Variants in SLCO1B1 observed in about 807,000 individuals in gnomAD.
SLCO1B1 encodes the protein solute carrier organic anion transporter family member 1B1, also known as OATP-2.
A neutral mutation model predicts 70.1 loss-of-function variants in SLCO1B1; 81 were observed. That is an observed-to-expected ratio of 1.16 (90% CI 0.97 to 1.39). The LOEUF is 1.39. SLCO1B1 is among the 40% of genes most tolerant of loss of function. The pLI, the probability that SLCO1B1 is intolerant of heterozygous loss-of-function variation, is 0.00. For missense variants in SLCO1B1, 895 were observed against 799.6 expected, an observed-to-expected ratio of 1.12 and a Z score of -1.44; for synonymous variants, 283 against 271.5, an observed-to-expected ratio of 1.04 and a Z score of -0.42.
At chr12:21,219,968 C>T (rs1216824238) in intron 12 of SLCO1B1, among the ~76,000 whole-genome samples, 1 of 152,112 alleles carries the variant, frequency 6.6e-6, no homozygotes, top group East Asian at 1.9e-4. Context: ...ACCACGTTGG[C>T]CAGGCTGGTC....
intron 2 of SLCO1B1, among the ~76,000 whole-genome samples, chr12:21,152,402 T>A (rs900747902): frequency 6.6e-6 from 1 of 151,706 alleles, no homozygotes; most frequent in Non-Finnish European, 1.5e-5. Flanking sequence ...CTCTTCAAAA[T>A]TATATATATT....
At position 21,183,429 on chromosome 12, in the gene SLCO1B1, C is replaced by A. The variant is rs140979658; in HGVS notation, c.727+4409C>A. ...CAGGCTGATCTCAAACTTCTGGCCT[C>A]AAGTGATCCTCCCACCTTAGCCTGG... On this transcript the variant is annotated intron_variant, in intron 7 of 14. Coordinates refer to ENST00000256958, the MANE Select transcript of SLCO1B1 (RefSeq NM_006446.5). 2.7e-3 allele frequency among the ~76,000 whole-genome samples: 404 copies of A among 152,300 alleles called. 1 individual carries two copies. Among genetic ancestry groups the A allele is most frequent in the African/African-American group, 8.9e-3 (371 of 41,562 alleles).
At chr12:21,151,009 A>G (rs1170235308) in intron 2 of SLCO1B1, among the ~76,000 whole-genome samples, 1 of 152,184 alleles carries the variant, frequency 6.6e-6, no homozygotes. Context: ...ATTGTTAGAT[A>G]ATTTTGTCAT....
At position 21,185,747 on chromosome 12, in the gene SLCO1B1, T is replaced by C. The variant is rs369283032; in HGVS notation, c.727+6727T>C. 2.7e-3 allele frequency among the ~76,000 whole-genome samples: 404 copies of C among 151,920 alleles called. 1 individual carries two copies. Among genetic ancestry groups the C allele is most frequent in the African/African-American group, 9.0e-3 (372 of 41,458 alleles). On this transcript the variant is annotated intron_variant, in intron 7 of 14. Transcript: ENST00000256958. ...AATAACGAAAATCAGAATGAAATTG[T>C]GATGCAAAATGTATACAAAAGATAA...
intron 11 of SLCO1B1, among the ~76,000 whole-genome samples, chr12:21,207,424 G>T (rs1236784631): frequency 6.6e-6 from 1 of 151,942 alleles, no homozygotes; most frequent in Non-Finnish European, 1.5e-5. Context: ...ATTCACTTAA[G>T]ATAATGACCT....
intron 8 of SLCO1B1, 142 bp from the exon 9 acceptor site, chr12:21,200,366 G>A (rs1565680275): frequency 2.1e-6 from 1 of 484,078 alleles, no homozygotes; most frequent in Non-Finnish European, 3.7e-6. Context: ...TGAACAGCCT[G>A]TGGTATTGCA....
chr12:21,228,563 T>C (rs1056756392), intron 14 of SLCO1B1, among the ~76,000 whole-genome samples: 2 of 152,128 alleles, frequency 1.3e-5, no homozygotes, highest in African/African-American at 4.8e-5. Context: ...AAGAAAATTA[T>C]TTGGTTGGGC....
intron 7 of SLCO1B1, among the ~76,000 whole-genome samples, chr12:21,184,251 A>G (rs1219086409): frequency 3.3e-5 from 5 of 152,120 alleles, no homozygotes; most frequent in Non-Finnish European, 7.4e-5. Context: ...ATTACAGAGA[A>G]CCCCTTTGAG....
chr12:21,178,091 A>G (rs1030763092), intron 5 of SLCO1B1, among the ~76,000 whole-genome samples: 1 of 151,954 alleles, frequency 6.6e-6, no homozygotes, highest in African/African-American at 2.4e-5. Flanking sequence ...CTGTGTCCCC[A>G]CTCAAATATC....
At chr12:21,161,059 G>C (rs143472838) in intron 2 of SLCO1B1, among the ~76,000 whole-genome samples, 2,257 of 152,258 alleles carry the variant, frequency 0.015, 52 homozygotes, top group African/African-American at 0.051. Context: ...TACACTGTTG[G>C]TGGGAGTGTA....
intron 7 of SLCO1B1, among the ~76,000 whole-genome samples, chr12:21,192,560 ATG>A (rs914541214): frequency 4.6e-5 from 7 of 150,874 alleles, no homozygotes; most frequent in African/African-American, 1.5e-4. Flanking sequence ...ATTTTTTCTA[ATG>A]TTTTTTTTTC....
chr12:21,221,031 C>G (rs1941417887), intron 12 of SLCO1B1, among the ~76,000 whole-genome samples: 1 of 151,914 alleles, frequency 6.6e-6, no homozygotes, highest in African/African-American at 2.4e-5. Flanking sequence ...AAAACCAAAA[C>G]CATTTGATAA....
intron 14 of SLCO1B1, among the ~76,000 whole-genome samples, chr12:21,236,282 C>T (rs917104233): frequency 1.3e-5 from 2 of 152,092 alleles, no homozygotes; most frequent in Admixed American, 6.6e-5. Flanking sequence ...GTTAGATCTC[C>T]AGAGGTCCTG....
At position 21,217,246 on chromosome 12, in the gene SLCO1B1, TC is replaced by T. The variant is rs1565442029; in HGVS notation, c.1626del (p.Leu543Ter). On this transcript the variant is annotated frameshift_variant, in exon 12 of 15. Transcript: ENST00000256958. LOFTEE classifies it high-confidence loss of function. Reference protein sequence around the residue: ...RKFYFFVAIQVLNLFFSALGG... With the variant: ...RKFYFFVAIQXLNLFFSALGG... Reference sequence around the variant, plus strand: ...TTTTACTTTTTTGTTGCAATACAAGTCTTGAATTTATTTTTCTCTGCACTTG... The same window carrying T: ...TTTTACTTTTTTGTTGCAATACAAGTTTGAATTTATTTTTCTCTGCACTTG... The T allele has an allele frequency of 6.2e-7, 1 of 1,613,748 alleles. No homozygotes were observed. Among genetic ancestry groups the T allele is most frequent in the Non-Finnish European group, 8.5e-7 (1 of 1,179,750 alleles).
At chr12:21,229,796 T>G (rs717958) in intron 14 of SLCO1B1, among the ~76,000 whole-genome samples, 8,769 of 152,312 alleles carry the variant, frequency 0.058, 522 homozygotes, top group East Asian at 0.28. Context: ...CTTAGACAAT[T>G]ATGTCATATT....
At chr12:21,139,975 T>G (rs1940284602) in intron 1 of SLCO1B1, among the ~76,000 whole-genome samples, 1 of 152,154 alleles carries the variant, frequency 6.6e-6, no homozygotes, top group Non-Finnish European at 1.5e-5. Flanking sequence ...CCTCCAGGCC[T>G]GAACTACAGT....
chr12:21,212,039 G>GT (rs1187036916), intron 11 of SLCO1B1, among the ~76,000 whole-genome samples: 34 of 147,190 alleles, frequency 2.3e-4, no homozygotes, highest in Middle Eastern at 6.9e-3. Flanking sequence ...TTTTTTGAAG[G>GT]TTTTTTTTTG....
chr12:21,179,621 G>T (rs1940868478), intron 7 of SLCO1B1, among the ~76,000 whole-genome samples: 1 of 152,138 alleles, frequency 6.6e-6, no homozygotes, highest in Non-Finnish European at 1.5e-5. Context: ...GAGATGCCAT[G>T]TTATAAAAAC....
At chr12:21,162,988 T>G (rs1940640338) in intron 2 of SLCO1B1, among the ~76,000 whole-genome samples, 1 of 152,162 alleles carries the variant, frequency 6.6e-6, no homozygotes, top group African/African-American at 2.4e-5. Flanking sequence ...ATCTATGTTA[T>G]CAAATATTTT....
Sources: allele counts gnomAD v4.1 joint callset (sites outside exome capture counted in the v4.1 genomes callset), GRCh38; gene constraint gnomAD v4.1.1; transcripts MANE v1.5; gene names NCBI Gene and HGNC (gene_info 2026-07-23, HGNC 2026-07-21).